FAXDC2: variants seen among roughly 807,000 people sequenced by gnomAD.
FAXDC2 encodes fatty acid hydroxylase domain-containing protein 2.
A neutral mutation model predicts 40.9 loss-of-function variants in FAXDC2; 41 were observed. The observed-to-expected ratio is 1.00, with a 90% confidence interval of 0.78 to 1.30. The LOEUF (loss-of-function observed/expected upper bound fraction) is 1.30, where lower values mean the gene tolerates loss of function less well. Among genes scored for constraint, FAXDC2 ranks in the 50% most tolerant of loss-of-function variants. The probability of loss-of-function intolerance (pLI) is 0.00; values close to 1 mark genes in which losing one functional copy is unlikely to be tolerated. For missense variants in FAXDC2, 390 were observed against 408.8 expected, an observed-to-expected ratio of 0.95 and a Z score of 0.40; for synonymous variants, 157 against 149.3, an observed-to-expected ratio of 1.05 and a Z score of -0.38.
rs1032613763 is a variant in FAXDC2 at position 154,821,117 on chromosome 5, T to C, written c.845+143A>G. 6 of 723,120 alleles carry C rather than the reference T, an allele frequency of 8.3e-6. No individual in the cohort carries two copies. The African/African-American group carries it at 9.0e-5, about 11-fold the overall frequency. The allele number at this position is 723,120 out of a possible 1,614,324, so 44.8% of individuals were successfully genotyped here. A position where few individuals can be genotyped will look rare whatever the true frequency, so the allele number is the denominator to read the frequency against. ...AAGGAAAAGAGTAAGGTCATCCCAGTGTGGTTATTTTCCCAGCCATCAGAC... is the reference window on the plus strand; with the variant it reads ...AAGGAAAAGAGTAAGGTCATCCCAGCGTGGTTATTTTCCCAGCCATCAGAC... On this transcript the variant is annotated intron_variant, in intron 8 of 8. Transcript: ENST00000326080.
At chr5:154,838,672 C>A (rs1237657876) in intron 1 of FAXDC2, 2 of 168,886 alleles carry the variant, frequency 1.2e-5, no homozygotes, top group Admixed American at 1.3e-4. Flanking sequence ...AATCTTGGCT[C>A]ACTGCAAGCT....
intron 5 of FAXDC2, among the ~76,000 whole-genome samples, chr5:154,827,320 A>C (rs1009752369): frequency 2.0e-5 from 3 of 151,204 alleles, no homozygotes; most frequent in Non-Finnish European, 4.4e-5. Flanking sequence ...AAAAAAAAAA[A>C]CCAACAAAAC....
At position 154,834,872 on chromosome 5, in the gene FAXDC2, T is replaced by C; in HGVS notation, c.111A>G (p.Ser37=). Residue 37 remains serine (S), a synonymous_variant, in exon 3 of 9, where the codon TCA becomes TCG. Coordinates refer to ENST00000326080, the MANE Select transcript of FAXDC2 (RefSeq NM_032385.5). The part of the protein sequence containing the change: ...TAFILGSGLL[S]FVAFWNSVTW... Reference sequence around the variant, plus strand: ...TCACTGAGTTCCAGAAGGCCACAAATGAGAGAAGTCCAGAGCCCAGGATGA... The same window carrying C: ...TCACTGAGTTCCAGAAGGCCACAAACGAGAGAAGTCCAGAGCCCAGGATGA... The C allele has an allele frequency of 6.2e-7, 1 of 1,611,032 alleles. No individual in the cohort carries two copies. The highest frequency in any genetic ancestry group is 1.1e-5 in the South Asian group (1 of 90,498).
chr5:154,838,276 T>A, intron 1 of FAXDC2, 98 bp from the exon 2 acceptor site: 1 of 1,164,368 alleles, frequency 8.6e-7, no homozygotes, highest in Non-Finnish European at 1.2e-6. Context: ...TAGCAGTGAT[T>A]TTTGAAAAAA....
intron 7 of FAXDC2, among the ~76,000 whole-genome samples, chr5:154,821,774 C>T (rs902517214): frequency 2.6e-5 from 4 of 151,686 alleles, no homozygotes; most frequent in African/African-American, 4.8e-5. Context: ...AGCAGGATCC[C>T]GACTCTACAA....
At chr5:154,848,610 G>A (rs1425519305) in intron 1 of FAXDC2, among the ~76,000 whole-genome samples, 1 of 152,156 alleles carries the variant, frequency 6.6e-6, no homozygotes, top group Non-Finnish European at 1.5e-5. Context: ...GAGCTGCTAT[G>A]ACTCAACATC....
intron 5 of FAXDC2, 90 bp downstream of exon 5, chr5:154,830,709 CAG>C: frequency 6.7e-7 from 1 of 1,482,530 alleles, no homozygotes; most frequent in Non-Finnish European, 9.3e-7. Context: ...TCACACTGGC[CAG>C]GTCTCTCCTG....
At position 154,819,316 on chromosome 5, in the gene FAXDC2, T is replaced by C. The variant is rs2113111973; in HGVS notation, c.*1000A>G. ...CAAGCAGCTGTGGTTTTGCCTTTGA[T>C]AAGGTTCCTGGTAAAAATCATCTTG... On this transcript the variant is annotated 3_prime_UTR_variant, in exon 9 of 9. Coordinates refer to ENST00000326080, the MANE Select transcript of FAXDC2 (RefSeq NM_032385.5). 1 of 152,310 alleles carries C rather than the reference T, an allele frequency of 6.6e-6. No individual in the cohort carries two copies. Among genetic ancestry groups the C allele is most frequent in the South Asian group, 2.1e-4 (1 of 4,824 alleles). 9.4% of individuals were successfully genotyped at this position (152,310 alleles called of 1,614,324 possible). A position where few individuals can be genotyped will look rare whatever the true frequency, so the allele number is the denominator to read the frequency against.
At chr5:154,829,420 C>CTTT (rs2113138421) in intron 5 of FAXDC2, 1 of 154,356 alleles carries the variant, frequency 6.5e-6, no homozygotes, top group East Asian at 1.9e-4. Flanking sequence ...TCGTGAGGTT[C>CTTT]TTTCCTGCTT....
chr5:154,843,523 AG>A (rs1472690692), intron 1 of FAXDC2, among the ~76,000 whole-genome samples: 2 of 152,236 alleles, frequency 1.3e-5, no homozygotes, highest in Non-Finnish European at 2.9e-5. Flanking sequence ...AGAAACTACT[AG>A]ACAGGTAGGA....
At position 154,834,787 on chromosome 5, in the gene FAXDC2, A is replaced by G. The variant is rs948676926; in HGVS notation, c.140+56T>C. The G allele has an allele frequency of 4.4e-6, 7 of 1,590,898 alleles. No individual in the cohort carries two copies. The South Asian group carries it at 4.4e-5, about 10-fold the overall frequency. ...TAGTGGGTGGACAGCTCCTTCCCCT[A>G]TGCTCTGCCCCCGACCACCACCACA... On this transcript the variant is annotated intron_variant, in intron 3 of 8. Coordinates refer to ENST00000326080, the MANE Select transcript of FAXDC2 (RefSeq NM_032385.5).
chr5:154,835,883 C>CTTTTTTTTTTTTTTTTTTTTTT (rs869068025), intron 2 of FAXDC2, among the ~76,000 whole-genome samples: 6 of 47,870 alleles, frequency 1.3e-4, no homozygotes, highest in Admixed American at 3.0e-4. Context: ...GCCCGGCCGA[C>CTTTTTTTTTTTTTTTTTTTTTT]TTTTTTTTTT....
At chr5:154,841,361 G>A (rs1760471122) in intron 1 of FAXDC2, among the ~76,000 whole-genome samples, 1 of 152,148 alleles carries the variant, frequency 6.6e-6, no homozygotes, top group South Asian at 2.1e-4. Context: ...CTTCACTCCA[G>A]GTTCTGATAC....
In FAXDC2 at chr5:154,819,997, G is replaced by A. The variant is rs551008992; in HGVS notation, c.*319C>T. The A allele has an allele frequency of 4.8e-6, 1 of 209,580 alleles. No homozygotes were observed. Among genetic ancestry groups the A allele is most frequent in the South Asian group, 1.1e-4 (1 of 8,704 alleles). 13.0% of individuals were successfully genotyped at this position (209,580 alleles called of 1,614,324 possible). On this transcript the variant is annotated 3_prime_UTR_variant, in exon 9 of 9. Coordinates refer to ENST00000326080, the MANE Select transcript of FAXDC2 (RefSeq NM_032385.5). ...TCTGCATCCTGCCCAGGCCACAAAG[G>A]AGTTATCTGGGGCTGAACCCCTCTC...
At chr5:154,833,073 G>T (rs1287357498) in intron 4 of FAXDC2, among the ~76,000 whole-genome samples, 4 of 149,630 alleles carry the variant, frequency 2.7e-5, no homozygotes, top group Middle Eastern at 3.4e-3. Flanking sequence ...GTCTTGCTCT[G>T]TCACCCAGGC....
At chr5:154,837,730 C>T (rs750935465) in intron 2 of FAXDC2, among the ~76,000 whole-genome samples, 1 of 152,076 alleles carries the variant, frequency 6.6e-6, no homozygotes, top group Non-Finnish European at 1.5e-5. Flanking sequence ...TGCAGGAAAA[C>T]GCAGTGCAGG....
rs1759967843 is a variant in FAXDC2 at position 154,824,365 on chromosome 5, G to A, written c.367-773C>T. ...TCCTGGATCCTGATGAACTTGTTTGGTTAGAAGGGATTTCTCCAAGTTCCC... is the reference window on the plus strand; with the variant it reads ...TCCTGGATCCTGATGAACTTGTTTGATTAGAAGGGATTTCTCCAAGTTCCC... On this transcript the variant is annotated intron_variant, in intron 5 of 8. Coordinates refer to ENST00000326080, the MANE Select transcript of FAXDC2 (RefSeq NM_032385.5). 6.2e-6 allele frequency: 4 copies of A among 648,294 alleles called. No individual in the cohort carries two copies. In the East Asian group the frequency reaches 1.1e-4, roughly 18 times the overall value. 40.2% of individuals were successfully genotyped at this position (648,294 alleles called of 1,614,324 possible).
intron 7 of FAXDC2, chr5:154,822,229 A>C: frequency 2.2e-6 from 1 of 451,068 alleles, no homozygotes; most frequent in Non-Finnish European, 4.0e-6. Context: ...CTGCACTCCA[A>C]CCTGGGTGAC....
chr5:154,826,609 T>C (rs1760045839), intron 5 of FAXDC2, among the ~76,000 whole-genome samples: 2 of 148,048 alleles, frequency 1.4e-5, no homozygotes, highest in Admixed American at 6.8e-5. Context: ...GTGAAAAAAA[T>C]ATTTCAAGGC....
Sources: gnomAD v4.1 joint callset for allele counts (sites outside exome capture counted in the v4.1 genomes callset) on GRCh38, gnomAD v4.1.1 for gene constraint, MANE v1.5 for transcripts, NCBI Gene and HGNC (gene_info 2026-07-23, HGNC 2026-07-21) for gene names.